TTYH3: variants seen among roughly 807,000 people sequenced by gnomAD.
TTYH3 encodes the protein protein tweety homolog 3.
Under a neutral mutation model 68.2 loss-of-function variants are expected in TTYH3, and 23 were observed. The observed-to-expected ratio is 0.34, with a 90% confidence interval of 0.24 to 0.48. The LOEUF (loss-of-function observed/expected upper bound fraction) is 0.48. Ranked by LOEUF, TTYH3 falls within the 20% of genes least tolerant of loss-of-function variation. The pLI, the probability that TTYH3 is intolerant of heterozygous loss-of-function variation, is 0.99. For missense variants in TTYH3, 768 were observed against 727.7 expected (o/e 1.06, Z -0.64); for synonymous variants, 360 against 332.8 (o/e 1.08, Z -0.89).
rs1399057415 is a variant in TTYH3, at chr7:2,661,961, C to T, written c.*222C>T. 4.9e-6 allele frequency: 3 copies of T among 607,882 alleles called. No individual in the cohort carries two copies. Among genetic ancestry groups the T allele is most frequent in the East Asian group, 5.5e-5 (2 of 36,264 alleles). 37.7% of individuals were successfully genotyped at this position (607,882 alleles called of 1,614,324 possible). A position where few individuals can be genotyped will look rare whatever the true frequency, so the allele number is the denominator to read the frequency against. On this transcript the variant is annotated 3_prime_UTR_variant, in exon 14 of 14. Coordinates refer to ENST00000258796, the MANE Select transcript of TTYH3 (RefSeq NM_025250.3). ...CAACTCGGGTCACACCTGAACGCTGCTGCCAGCCGATGCCCCAGCCCTGCA... is the reference window on the plus strand; with the variant it reads ...CAACTCGGGTCACACCTGAACGCTGTTGCCAGCCGATGCCCCAGCCCTGCA...
intron 9 of TTYH3, 126 bp downstream of exon 9, chr7:2,653,136 C>T (rs1786237654): frequency 1.3e-6 from 1 of 789,266 alleles, no homozygotes; most frequent in Non-Finnish European, 2.0e-6. Context: ...CGAGTGGGGA[C>T]CTGGTGTTGG....
rs148185673 is a variant in TTYH3 at position 2,653,600 on chromosome 7, C to T, written c.1020+590C>T. Among the ~76,000 whole-genome samples the T allele has an allele frequency of 3.8e-3, 583 of 152,306 alleles. 2 individuals are homozygous for T. Among genetic ancestry groups the T allele is most frequent in the Non-Finnish European group, 7.0e-3 (477 of 68,034 alleles). On this transcript the variant is annotated intron_variant, in intron 9 of 13. Transcript: ENST00000258796. ...AATAAAGGCCTGGCGCGGTGGCTCA[C>T]GCCTGTAATCCCAGCACTTTGGGAG...
In TTYH3 at chr7:2,640,390, G is replaced by A. The variant is rs192847238; in HGVS notation, c.124-6463G>A. On this transcript the variant is annotated intron_variant, in intron 1 of 13. Coordinates refer to ENST00000258796, the MANE Select transcript of TTYH3 (RefSeq NM_025250.3). ...CCAGGCGTGTGCATGTAGAGCAGCC[G>A]CCTGTGTGTGTGTGGGGGGGGACGT... 8.6e-3 allele frequency among the ~76,000 whole-genome samples: 1,221 copies of A among 142,210 alleles called. 10 individuals carry two copies. The highest frequency in any genetic ancestry group is 0.014 in the Non-Finnish European group (909 of 62,722). 93.3% of individuals were successfully genotyped at this position (142,210 alleles called of 152,430 possible).
At chr7:2,646,785 C>A (rs1785995579) in intron 1 of TTYH3, 68 bp from the exon 2 acceptor site, 4 of 1,492,254 alleles carry the variant, frequency 2.7e-6, no homozygotes, top group Non-Finnish European at 3.6e-6. Context: ...AGGTCCCCTG[C>A]TGGGGCGGGG....
chr7:2,651,081 G>T (rs571583516), intron 7 of TTYH3, among the ~76,000 whole-genome samples: 1 of 152,064 alleles, frequency 6.6e-6, no homozygotes, highest in Admixed American at 6.5e-5. Flanking sequence ...GGAGGTTTGC[G>T]ATGTGTGTCG....
At chr7:2,636,411 G>T (rs1785658486) in intron 1 of TTYH3, among the ~76,000 whole-genome samples, 1 of 152,130 alleles carries the variant, frequency 6.6e-6, no homozygotes, top group Non-Finnish European at 1.5e-5. Context: ...AGAGCTGTAG[G>T]GTGGGTGTCC....
rs1421082517 is a variant in TTYH3, at chr7:2,632,129, C to A, written c.-27C>A. The A allele has an allele frequency of 2.9e-6, 4 of 1,362,668 alleles. No homozygotes were observed. Among genetic ancestry groups the A allele is most frequent in the Non-Finnish European group, 3.8e-6 (4 of 1,049,046 alleles). The allele number at this position is 1,362,668 out of a possible 1,614,324, so 84.4% of individuals were successfully genotyped here. On this transcript the variant is annotated 5_prime_UTR_variant, in exon 1 of 14. Transcript: ENST00000258796. ...GCAAGGGAGCCCCGCGCAGGCCGCG[C>A]GCATCCGGAGGCGGCCGGGCCCCGC... is the stretch of plus-strand genomic sequence containing the variant.
intron 1 of TTYH3, among the ~76,000 whole-genome samples, chr7:2,639,913 G>A (rs958804200): frequency 3.2e-4 from 48 of 152,120 alleles, no homozygotes; most frequent in African/African-American, 1.1e-3. Flanking sequence ...CCTGCTCACC[G>A]TGCCCCGTGG....
chr7:2,661,956 C>A lies in TTYH3; in HGVS notation c.*217C>A. 1.6e-6 allele frequency: 1 copy of A among 610,684 alleles called. No individual in the cohort carries two copies. Among genetic ancestry groups the A allele is most frequent in the Non-Finnish European group, 2.9e-6 (1 of 344,530 alleles). The allele number at this position is 610,684 out of a possible 1,614,324, so 37.8% of individuals were successfully genotyped here. Reference sequence around the variant, plus strand: ...ACCGCCAACTCGGGTCACACCTGAACGCTGCTGCCAGCCGATGCCCCAGCC... The same window carrying A: ...ACCGCCAACTCGGGTCACACCTGAAAGCTGCTGCCAGCCGATGCCCCAGCC... On this transcript the variant is annotated 3_prime_UTR_variant, in exon 14 of 14. Transcript: ENST00000258796.
chr7:2,650,300 G>A (rs1404995911), intron 7 of TTYH3, among the ~76,000 whole-genome samples: 2 of 152,210 alleles, frequency 1.3e-5, no homozygotes, highest in African/African-American at 4.8e-5. Flanking sequence ...CCAGAGGTCT[G>A]GGTGCAGTGG....
intron 1 of TTYH3, among the ~76,000 whole-genome samples, chr7:2,640,427 G>A (rs966820792): frequency 6.6e-6 from 1 of 152,138 alleles, no homozygotes; most frequent in Non-Finnish European, 1.5e-5. Flanking sequence ...TGTTCCATAG[G>A]CCGGCCGTGA....
At chr7:2,659,497 T>G (rs1246587400) in intron 13 of TTYH3, among the ~76,000 whole-genome samples, 1 of 152,232 alleles carries the variant, frequency 6.6e-6, no homozygotes, top group Non-Finnish European at 1.5e-5. Context: ...CCTTTTCTTT[T>G]TCTTCCTTGA....
At chr7:2,649,310 G>A (rs879705641) in intron 5 of TTYH3, among the ~76,000 whole-genome samples, 4 of 152,060 alleles carry the variant, frequency 2.6e-5, no homozygotes, top group Non-Finnish European at 4.4e-5. Context: ...CAGGAGGGGC[G>A]GGGCCCCAAG....
At position 2,632,226 on chromosome 7, in the gene TTYH3, G is replaced by T; in HGVS notation, c.71G>T (p.Ser24Ile). ...CACCGGCTGCCCCACTTCGACCTGA[G>T]CTGGGAGGCCACTAGCAGCCAGTTC... ...LLHRLPHFDL[S>I]WEATSSQFRP... Residue 24 changes from serine to isoleucine, a missense_variant, in exon 1 of 14, where the codon AGC becomes ATC. Transcript: ENST00000258796. The T allele has an allele frequency of 6.3e-7, 1 of 1,584,446 alleles. No individual in the cohort carries two copies. The highest frequency in any genetic ancestry group is 8.6e-7 in the Non-Finnish European group (1 of 1,164,948).
rs1232070489 is a variant in TTYH3 at position 2,663,339 on chromosome 7, C to G, written c.*1600C>G. 1 of 152,838 alleles carries G rather than the reference C, an allele frequency of 6.5e-6. No individual in the cohort carries two copies. The highest frequency in any genetic ancestry group is 1.5e-5 in the Non-Finnish European group (1 of 68,120). The allele number at this position is 152,838 out of a possible 1,614,324, so 9.5% of individuals were successfully genotyped here. ...CCTGGACCGGAAATGTCCTCATCCC[C>G]TCCCTGGGGCCAGGCTCTGCCCTGG... On this transcript the variant is annotated 3_prime_UTR_variant, in exon 14 of 14. Coordinates refer to ENST00000258796, the MANE Select transcript of TTYH3 (RefSeq NM_025250.3).
chr7:2,632,713 T>G (rs1275286867), intron 1 of TTYH3, among the ~76,000 whole-genome samples: 1 of 152,222 alleles, frequency 6.6e-6, no homozygotes, highest in Non-Finnish European at 1.5e-5. Flanking sequence ...CCCCAGGCTC[T>G]GAGATCAGAG....
chr7:2,644,826 G>A (rs527382032), intron 1 of TTYH3, among the ~76,000 whole-genome samples: 50 of 152,306 alleles, frequency 3.3e-4, no homozygotes, highest in African/African-American at 1.1e-3. Flanking sequence ...GGGTGTGGAC[G>A]TCGGCCGGCT....
chr7:2,659,075 C>G (rs914106390), intron 13 of TTYH3, 60 bp downstream of exon 13: 2 of 1,529,000 alleles, frequency 1.3e-6, no homozygotes, highest in Admixed American at 1.7e-5. Context: ...TCCGCTGTTC[C>G]ACTGCGTCGG....
In TTYH3 at chr7:2,640,511, G is replaced by A. The variant is rs545607401; in HGVS notation, c.124-6342G>A. 6.6e-5 allele frequency among the ~76,000 whole-genome samples: 10 copies of A among 152,310 alleles called. No homozygotes were observed. In the South Asian group the frequency reaches 1.0e-3, roughly 16 times the overall value. Reference sequence around the variant, plus strand: ...CCCAGGTCCTGCCACCAGGTGCTCCGGGAGCCACCAGGATGCCCAGCAGCA... The same window carrying A: ...CCCAGGTCCTGCCACCAGGTGCTCCAGGAGCCACCAGGATGCCCAGCAGCA... On this transcript the variant is annotated intron_variant, in intron 1 of 13. Transcript: ENST00000258796.
Sources: gnomAD v4.1 joint callset for allele counts (sites outside exome capture counted in the v4.1 genomes callset) on GRCh38, gnomAD v4.1.1 for gene constraint, MANE v1.5 for transcripts, NCBI Gene and HGNC (gene_info 2026-07-23, HGNC 2026-07-21) for gene names.